The following KAZN variants were observed in gnomAD, a reference collection of about 807,000 sequenced individuals.
The protein encoded by KAZN is kazrin.
A neutral mutation model predicts 87.4 loss-of-function variants in KAZN; 40 were observed. That is an observed-to-expected ratio of 0.46 (90% CI 0.36 to 0.60). The LOEUF (loss-of-function observed/expected upper bound fraction) is 0.60, where lower values mean the gene tolerates loss of function less well. KAZN is among the 20% of genes least tolerant of loss of function. The probability of loss-of-function intolerance (pLI) is 0.00; values close to 1 mark genes in which losing one functional copy is unlikely to be tolerated. For missense variants in KAZN, 898 were observed against 1,073.9 expected (o/e 0.84, Z 2.29); for synonymous variants, 466 against 458.3 (o/e 1.02, Z -0.22).
At chr1:13,981,425 T>G (rs960655450) in intron 1 of KAZN, among the ~76,000 whole-genome samples, 2 of 150,352 alleles carry the variant, frequency 1.3e-5, no homozygotes, top group African/African-American at 4.8e-5. Context: ...CATGATGTCA[T>G]TTTAGCTATT....
intron 4 of KAZN, among the ~76,000 whole-genome samples, chr1:15,055,092 G>A (rs1408990174): frequency 3.9e-5 from 5 of 129,348 alleles, no homozygotes; most frequent in African/African-American, 1.5e-4. Context: ...ATCTTGCAAG[G>A]AGTTAAACTA....
intron 1 of KAZN, among the ~76,000 whole-genome samples, chr1:14,682,861 C>T (rs1640753645): frequency 6.6e-6 from 1 of 152,162 alleles, no homozygotes; most frequent in South Asian, 2.1e-4. Flanking sequence ...GAGATGGACA[C>T]ATACAGGATC....
intron 1 of KAZN, among the ~76,000 whole-genome samples, chr1:13,919,313 C>T (rs1434396631): frequency 1.3e-5 from 2 of 152,178 alleles, no homozygotes; most frequent in Non-Finnish European, 2.9e-5. Context: ...ATAGAATATG[C>T]TTTCCTTTCT....
chr1:14,072,650 C>T (rs567658583), intron 1 of KAZN, among the ~76,000 whole-genome samples: 120 of 152,280 alleles, frequency 7.9e-4, no homozygotes, highest in African/African-American at 2.8e-3. Context: ...GAAAACAGAA[C>T]GAGTGTGCAC....
At chr1:14,922,130 T>A (rs1658593069) in intron 1 of KAZN, among the ~76,000 whole-genome samples, 1 of 152,230 alleles carries the variant, frequency 6.6e-6, no homozygotes, top group Non-Finnish European at 1.5e-5. Context: ...AAGTGAAAAG[T>A]CTTCCTAAGT....
chr1:14,015,489 TTTTTTTTTG>T (rs1640523491), intron 1 of KAZN, among the ~76,000 whole-genome samples: 2 of 106,474 alleles, frequency 1.9e-5, no homozygotes, highest in Non-Finnish European at 4.0e-5. Context: ...TTTTTTTTTT[TTTTTTTTTG>T]AGATGGAGTT....
intron 2 of KAZN, among the ~76,000 whole-genome samples, chr1:14,591,688 G>A (rs1463147903): frequency 6.6e-6 from 1 of 152,128 alleles, no homozygotes; most frequent in Non-Finnish European, 1.5e-5. Context: ...GCGCCTGACC[G>A]ACTTTCCCAG....
intron 1 of KAZN, among the ~76,000 whole-genome samples, chr1:14,940,740 C>A (rs1259456991): frequency 6.6e-6 from 1 of 152,042 alleles, no homozygotes; most frequent in Non-Finnish European, 1.5e-5. Flanking sequence ...GAGGACATAG[C>A]AGGAACTCAA....
intron 1 of KAZN, among the ~76,000 whole-genome samples, chr1:14,827,637 G>A (rs751739463): frequency 6.6e-6 from 1 of 152,248 alleles, no homozygotes; most frequent in Non-Finnish European, 1.5e-5. Flanking sequence ...GTGGGTCCCA[G>A]AGAGGAGCCC....
chr1:13,931,798 T>G (rs1640524093), intron 1 of KAZN, among the ~76,000 whole-genome samples: 1 of 152,322 alleles, frequency 6.6e-6, no homozygotes, highest in Admixed American at 6.5e-5. Flanking sequence ...CATTTTCTGA[T>G]TCATAAATGT....
intron 2 of KAZN, among the ~76,000 whole-genome samples, chr1:14,438,651 G>A (rs1332688540): frequency 2.0e-5 from 3 of 152,200 alleles, no homozygotes; most frequent in South Asian, 2.1e-4. Flanking sequence ...GAGACCAGAT[G>A]GGACAAGTGA....
intron 2 of KAZN, among the ~76,000 whole-genome samples, chr1:14,542,447 TA>T (rs925722846): frequency 8.6e-5 from 13 of 150,364 alleles, no homozygotes; most frequent in South Asian, 2.1e-4. Flanking sequence ...AGTGTAATAA[TA>T]AAAAAAAAGA....
At chr1:14,936,916 G>A (rs952957728) in intron 1 of KAZN, among the ~76,000 whole-genome samples, 7 of 152,204 alleles carry the variant, frequency 4.6e-5, no homozygotes, top group Admixed American at 6.5e-5. Flanking sequence ...CTCCAGTGGA[G>A]AGGAGCTCAG....
intron 1 of KAZN, among the ~76,000 whole-genome samples, chr1:14,696,506 C>T (rs548569491): frequency 6.6e-6 from 1 of 152,250 alleles, no homozygotes; most frequent in African/African-American, 2.4e-5. Flanking sequence ...TGGAGATGGG[C>T]AGGAAGAAGC....
At chr1:14,779,618 G>A (rs573426221) in intron 1 of KAZN, among the ~76,000 whole-genome samples, 1 of 151,970 alleles carries the variant, frequency 6.6e-6, no homozygotes, top group African/African-American at 2.4e-5. Context: ...TATTTCCTGG[G>A]CTGGTTACTA....
intron 1 of KAZN, chr1:14,124,433 A>T (rs1044736170): frequency 6.6e-6 from 1 of 152,354 alleles, no homozygotes; most frequent in Middle Eastern, 3.4e-3. Flanking sequence ...ACACTGTTTT[A>T]TCTGGGTTCA....
chr1:14,598,219 G>A (rs1265900886), upstream of KAZN, among the ~76,000 whole-genome samples: 1 of 152,092 alleles, frequency 6.6e-6, no homozygotes, highest in East Asian at 1.9e-4. This position sits in a 1 kb window ranked among gnomAD's most constrained non-coding sequence, Gnocchi z 4.2. Flanking sequence ...AGGCACGCGG[G>A]GCACCAGCTC....
At chr1:14,270,257 T>C (rs1418933109) in intron 2 of KAZN, among the ~76,000 whole-genome samples, 2 of 152,164 alleles carry the variant, frequency 1.3e-5, no homozygotes, top group African/African-American at 4.8e-5. Context: ...TCTACGGCAG[T>C]GGGGCCAGCC....
At chr1:14,466,240 GC>G (rs1020078388) in intron 2 of KAZN, among the ~76,000 whole-genome samples, 9 of 152,114 alleles carry the variant, frequency 5.9e-5, no homozygotes, top group African/African-American at 2.2e-4. Context: ...TCTACACTGT[GC>G]CCACTGCTCA....
Sources: gnomAD v4.1 joint callset for allele counts (sites outside exome capture counted in the v4.1 genomes callset) on GRCh38, gnomAD v4.1.1 for gene constraint, Gnocchi (gnomAD v3.1) non-coding constraint, MANE v1.5 for transcripts, NCBI Gene and HGNC (gene_info 2026-07-23, HGNC 2026-07-21) for gene names.